The following DPP10 variants were observed in gnomAD, a reference collection of about 807,000 sequenced individuals.
DPP10 encodes dipeptidyl peptidase like 10.
DPP10 carries 33 observed loss-of-function variants against 120.9 expected under a neutral mutation model. That is an observed-to-expected ratio of 0.27 (90% CI 0.21 to 0.37). The LOEUF is 0.37. DPP10 is among the 10% of genes least tolerant of loss of function. The pLI is 1.00. For missense variants in DPP10, 816 were observed against 942.8 expected (o/e 0.87, Z 1.76); for synonymous variants, 337 against 326.1 (o/e 1.03, Z -0.36).
At chr2:115,825,713 A>G (rs12987156) in intron 21 of DPP10, among the ~76,000 whole-genome samples, 59,945 of 152,056 alleles carry the variant, frequency 0.39, 12,153 homozygotes, top group Middle Eastern at 0.54. Flanking sequence ...CAAGCTTTTT[A>G]TTTCTTTACT....
At chr2:115,205,267 T>C (rs1194450152) in intron 1 of DPP10, among the ~76,000 whole-genome samples, 4 of 152,234 alleles carry the variant, frequency 2.6e-5, no homozygotes, top group African/African-American at 4.8e-5. Context: ...TTAACTTTTG[T>C]ATATGGTAAT....
chr2:115,290,767 C>T (rs1291701726), intron 1 of DPP10, among the ~76,000 whole-genome samples: 2 of 152,116 alleles, frequency 1.3e-5, no homozygotes, highest in Non-Finnish European at 2.9e-5. Context: ...AATAATCATG[C>T]ACTTGCAACA....
intron 5 of DPP10, among the ~76,000 whole-genome samples, chr2:115,621,664 C>A (rs1282178660): frequency 6.6e-6 from 1 of 151,978 alleles, no homozygotes; most frequent in African/African-American, 2.4e-5. Context: ...AAAAAAAATT[C>A]TATGTATTTT....
intron 1 of DPP10, among the ~76,000 whole-genome samples, chr2:115,232,878 G>T (rs915549733): frequency 6.6e-6 from 1 of 152,078 alleles, no homozygotes; most frequent in African/African-American, 2.4e-5. Flanking sequence ...TATGTTCTTA[G>T]AACAACTACC....
chr2:115,426,389 C>T (rs1331751357), intron 3 of DPP10, among the ~76,000 whole-genome samples: 3 of 121,838 alleles, frequency 2.5e-5, no homozygotes, highest in African/African-American at 9.9e-5. Flanking sequence ...GGTGCCACTC[C>T]GACGCTGGAG....
intron 3 of DPP10, among the ~76,000 whole-genome samples, chr2:115,358,979 G>A (rs1574548059): frequency 6.6e-6 from 1 of 152,246 alleles, no homozygotes; most frequent in African/African-American, 2.4e-5. Context: ...CGTGGCACAT[G>A]GAGATTATGG....
chr2:115,603,570 G>GTTTTTTTTTTTTTTTTTTT (rs61548055), intron 5 of DPP10, among the ~76,000 whole-genome samples: 4 of 99,284 alleles, frequency 4.0e-5, no homozygotes, highest in African/African-American at 6.3e-5. Flanking sequence ...GTTTTTTTTT[G>GTTTTTTTTTTTTTTTTTTT]TTTTTTTTTT....
chr2:115,122,257 G>A (rs778534317), intron 1 of DPP10, among the ~76,000 whole-genome samples: 1 of 152,060 alleles, frequency 6.6e-6, no homozygotes. Flanking sequence ...GAGAAGAGGA[G>A]GGCACCCTCC....
At chr2:115,501,119 T>G (rs2148795199) in intron 4 of DPP10, among the ~76,000 whole-genome samples, 1 of 152,150 alleles carries the variant, frequency 6.6e-6, no homozygotes, top group African/African-American at 2.4e-5. Context: ...TAACATAATT[T>G]TATGGAGATT....
intron 1 of DPP10, among the ~76,000 whole-genome samples, chr2:115,264,734 G>A (rs1359915704): frequency 6.6e-6 from 1 of 152,138 alleles, no homozygotes; most frequent in East Asian, 1.9e-4. Context: ...CACATATTTT[G>A]GAATGATGTT....
chr2:115,097,182 A>G (rs1357697996), intron 1 of DPP10, among the ~76,000 whole-genome samples: 2 of 152,174 alleles, frequency 1.3e-5, no homozygotes, highest in African/African-American at 2.4e-5. Context: ...AAATAAAGTC[A>G]TAGTAGTAAT....
rs907949300 is a variant in DPP10 at position 114,642,338 on chromosome 2, G to A, written c.60+199500G>A. On this transcript the variant is annotated intron_variant, in intron 1 of 25. Coordinates refer to ENST00000410059, the MANE Select transcript of DPP10 (RefSeq NM_020868.6). ...CAAAGAGGTTAAGTGACTTTCTTAA[G>A]TTCCTCAGATAAACATTTTGAAACA... 6.6e-5 allele frequency among the ~76,000 whole-genome samples: 10 copies of A among 151,882 alleles called. 2 individuals are homozygous for A. Among genetic ancestry groups the A allele is most frequent in the African/African-American group, 1.7e-4 (7 of 41,170 alleles).
At chr2:114,660,175 G>A (rs1171315272) in intron 1 of DPP10, among the ~76,000 whole-genome samples, 2 of 152,192 alleles carry the variant, frequency 1.3e-5, no homozygotes, top group African/African-American at 4.8e-5. Context: ...AAGGAAATAG[G>A]TGGGCTATAT....
chr2:115,544,831 G>C (rs1353814605), intron 5 of DPP10, among the ~76,000 whole-genome samples: 1 of 151,954 alleles, frequency 6.6e-6, no homozygotes, highest in Admixed American at 6.6e-5. Context: ...CAAATGTAGG[G>C]TTGCTTATAG....
At chr2:114,704,074 A>G (rs1192854187) in intron 1 of DPP10, among the ~76,000 whole-genome samples, 2 of 152,108 alleles carry the variant, frequency 1.3e-5, no homozygotes, top group African/African-American at 2.4e-5. Flanking sequence ...GCAACAGGGC[A>G]AGGCTGGATG....
intron 1 of DPP10, among the ~76,000 whole-genome samples, chr2:114,515,471 C>T (rs941627601): frequency 2.0e-5 from 3 of 152,102 alleles, no homozygotes; most frequent in Non-Finnish European, 2.9e-5. Context: ...TGGTACAGTG[C>T]AGTCTGAAAC....
rs1165433049 is a variant in DPP10 at position 115,800,810 on chromosome 2, G to A, written c.1700+9454G>A. 6.6e-5 allele frequency among the ~76,000 whole-genome samples: 10 copies of A among 151,844 alleles called. No homozygotes were observed. The East Asian group carries it at 1.4e-3, about 21-fold the overall frequency. ...TTGGTCTATATCTCTGTTTTGGTAC[G>A]AGTACCATGCTGTTTTGGTTACTGT... On this transcript the variant is annotated intron_variant, in intron 19 of 25. Coordinates refer to ENST00000410059, the MANE Select transcript of DPP10 (RefSeq NM_020868.6).
At chr2:114,642,721 A>G (rs1156890924) in intron 1 of DPP10, among the ~76,000 whole-genome samples, 2 of 151,892 alleles carry the variant, frequency 1.3e-5, no homozygotes, top group African/African-American at 4.9e-5. Flanking sequence ...GCCCATAAAA[A>G]AAAAAACTCT....
intron 5 of DPP10, among the ~76,000 whole-genome samples, chr2:115,578,394 C>G (rs2081812880): frequency 6.6e-6 from 1 of 152,052 alleles, no homozygotes; most frequent in African/African-American, 2.4e-5. Flanking sequence ...AACCCCCCAC[C>G]CCTCCAACTG....
Sources: gnomAD v4.1 joint callset for allele counts (sites outside exome capture counted in the v4.1 genomes callset) on GRCh38, gnomAD v4.1.1 for gene constraint, MANE v1.5 for transcripts, NCBI Gene and HGNC (gene_info 2026-07-23, HGNC 2026-07-21) for gene names.